The following TRPM3 variants were observed in gnomAD, a reference collection of about 807,000 sequenced individuals.
TRPM3 encodes long transient receptor potential channel 3.
TRPM3 carries 77 observed loss-of-function variants against 181.2 expected under a neutral mutation model. That is an observed-to-expected ratio of 0.42 (90% confidence interval 0.35 to 0.51). The LOEUF (loss-of-function observed/expected upper bound fraction) is 0.51, where lower values mean the gene tolerates loss of function less well. Ranked by LOEUF, TRPM3 falls within the 20% of genes least tolerant of loss-of-function variation. The pLI, the probability that TRPM3 is intolerant of heterozygous loss-of-function variation, is 0.01. For missense variants in TRPM3, 1,759 were observed against 2,196.7 expected (o/e 0.80, Z 3.98); for synonymous variants, 745 against 796.4 (o/e 0.94, Z 1.09).
chr9:70,894,602 T>A (rs977070880), intron 1 of TRPM3, among the ~76,000 whole-genome samples: 5 of 152,172 alleles, frequency 3.3e-5, no homozygotes, highest in Admixed American at 3.3e-4. Flanking sequence ...AGCATTGAAC[T>A]TTAGGATAAA....
At chr9:71,127,672 C>A (rs1311683813) in intron 1 of TRPM3, among the ~76,000 whole-genome samples, 1 of 152,166 alleles carries the variant, frequency 6.6e-6, no homozygotes, top group Non-Finnish European at 1.5e-5. Flanking sequence ...TATTTAAATT[C>A]AATTACTTTT....
chr9:70,559,870 C>T (rs2048633780), intron 22 of TRPM3, among the ~76,000 whole-genome samples: 1 of 152,154 alleles, frequency 6.6e-6, no homozygotes, highest in East Asian at 1.9e-4. Context: ...GACACTGATA[C>T]TTGTGACGAG....
At chr9:71,386,066 T>A (rs781713563) in intron 1 of TRPM3, among the ~76,000 whole-genome samples, 1 of 152,146 alleles carries the variant, frequency 6.6e-6, no homozygotes, top group South Asian at 2.1e-4. Flanking sequence ...GACGTGGAAG[T>A]GGCAATGCAA....
chr9:71,259,276 T>C (rs2082880340), intron 1 of TRPM3, among the ~76,000 whole-genome samples: 1 of 152,244 alleles, frequency 6.6e-6, no homozygotes, highest in African/African-American at 2.4e-5. Context: ...TGCCACATTT[T>C]CTTTATCCAG....
chr9:70,991,116 C>T (rs750425070), intron 1 of TRPM3, among the ~76,000 whole-genome samples: 1 of 152,062 alleles, frequency 6.6e-6, no homozygotes, highest in Non-Finnish European at 1.5e-5. Context: ...TCAAAATATC[C>T]ACCTCTACTC....
intron 1 of TRPM3, among the ~76,000 whole-genome samples, chr9:70,891,374 T>A (rs1016467345): frequency 1.3e-5 from 2 of 152,068 alleles, no homozygotes; most frequent in Admixed American, 6.6e-5. Flanking sequence ...AAAGTAAAAA[T>A]ATCAAACATG....
At chr9:71,329,631 T>C (rs1046272150) in intron 1 of TRPM3, among the ~76,000 whole-genome samples, 2 of 152,240 alleles carry the variant, frequency 1.3e-5, no homozygotes, top group South Asian at 2.1e-4. Context: ...AAATAATATG[T>C]AGCCATGAAG....
chr9:71,323,857 C>G (rs1004294412), intron 1 of TRPM3, among the ~76,000 whole-genome samples: 3 of 152,164 alleles, frequency 2.0e-5, no homozygotes, highest in African/African-American at 4.8e-5. Flanking sequence ...CTGATCCACA[C>G]AGGGTCTGGC....
At chr9:71,272,567 T>C (rs929185862) in intron 1 of TRPM3, among the ~76,000 whole-genome samples, 3 of 152,142 alleles carry the variant, frequency 2.0e-5, no homozygotes, top group Non-Finnish European at 4.4e-5. Context: ...AGGTTTCTAA[T>C]CTGTAATAAA....
intron 1 of TRPM3, among the ~76,000 whole-genome samples, chr9:71,428,769 C>T (rs922126346): frequency 2.0e-5 from 3 of 151,958 alleles, no homozygotes; most frequent in Admixed American, 6.6e-5. Context: ...AGAGCAACAA[C>T]GAAAATGGAT....
At chr9:71,328,604 G>T (rs541327082) in intron 1 of TRPM3, among the ~76,000 whole-genome samples, 1 of 152,106 alleles carries the variant, frequency 6.6e-6, no homozygotes, top group Non-Finnish European at 1.5e-5. Context: ...GACTGATTTC[G>T]ATTCCCAGAT....
chr9:71,091,332 CA>C (rs1262409866), intron 1 of TRPM3, among the ~76,000 whole-genome samples: 7 of 152,010 alleles, frequency 4.6e-5, no homozygotes, highest in Non-Finnish European at 8.8e-5. Context: ...AAACGAAACC[CA>C]AACTTTTAAA....
chr9:71,176,126 G>A (rs542795747), intron 1 of TRPM3, among the ~76,000 whole-genome samples: 6 of 152,202 alleles, frequency 3.9e-5, no homozygotes, highest in South Asian at 2.1e-4. Context: ...ACTTTTAATC[G>A]TTATTTTAGA....
intron 1 of TRPM3, among the ~76,000 whole-genome samples, chr9:71,262,287 G>A (rs1027944468): frequency 5.9e-5 from 9 of 152,240 alleles, no homozygotes; most frequent in East Asian, 5.8e-4. Context: ...CAACCTGTCC[G>A]GACTTCCCAG....
At chr9:71,277,535 T>TA (rs2084316917) in intron 1 of TRPM3, among the ~76,000 whole-genome samples, 1 of 152,034 alleles carries the variant, frequency 6.6e-6, no homozygotes, top group African/African-American at 2.4e-5. Flanking sequence ...AGGAGTCTAA[T>TA]TTTTTTTAAC....
intron 1 of TRPM3, among the ~76,000 whole-genome samples, chr9:70,994,994 G>T (rs1389784348): frequency 6.6e-6 from 1 of 152,144 alleles, no homozygotes; most frequent in Admixed American, 6.5e-5. Context: ...GATCCATGGG[G>T]ATGCTCCTGG....
intron 1 of TRPM3, among the ~76,000 whole-genome samples, chr9:70,981,368 G>T (rs982202670): frequency 4.6e-5 from 7 of 152,190 alleles, no homozygotes; most frequent in African/African-American, 1.7e-4. Flanking sequence ...CACATGATTA[G>T]CTCATTAGCA....
In TRPM3 at chr9:70,620,258, A is replaced by G; in HGVS notation, c.1947T>C (p.His649=). 1 of 1,614,222 alleles carries G rather than the reference A, an allele frequency of 6.2e-7. No individual in the cohort carries two copies. Among genetic ancestry groups the G allele is most frequent in the Non-Finnish European group, 8.5e-7 (1 of 1,180,034 alleles). ...TGAGAACAGCCCACACCATGAGCTC[A>G]TGGAAAGGGAAGGGGAAGTGGTTGA... ...PEINHFPFPF[H]ELMVWAVLMK... The change falls in exon 16 of 26, where the codon CAT becomes CAC. Residue 649 remains histidine, a synonymous_variant. Transcript: ENST00000677713.
intron 9 of TRPM3, among the ~76,000 whole-genome samples, chr9:70,655,423 G>A (rs1258814134): frequency 1.3e-5 from 2 of 150,566 alleles, no homozygotes; most frequent in East Asian, 2.0e-4. Context: ...GAGTTCCTAA[G>A]TTCTCTTTTT....
Sources: allele counts gnomAD v4.1 joint callset (sites outside exome capture counted in the v4.1 genomes callset), GRCh38; gene constraint gnomAD v4.1.1; transcripts MANE v1.5; gene names NCBI Gene and HGNC (gene_info 2026-07-23, HGNC 2026-07-21).